CDK13: variants seen among roughly 807,000 people sequenced by gnomAD.
CDK13 encodes the protein cyclin dependent kinase 13.
CDK13 carries 40 observed loss-of-function variants against 137.6 expected under a neutral mutation model. The ratio of observed to expected loss-of-function variants is 0.29; its 90% CI spans 0.23 to 0.38. The LOEUF (loss-of-function observed/expected upper bound fraction) is 0.38. Among genes scored for constraint, CDK13 ranks in the 10% least tolerant of loss-of-function variants. The pLI is 1.00. For synonymous variants in CDK13, 869 were observed against 760.1 expected (o/e 1.14, Z -2.36); for missense variants, 1,704 against 1,951.8 (o/e 0.87, Z 2.39).
chr7:40,041,695 C>T (rs781459422), intron 5 of CDK13, among the ~76,000 whole-genome samples: 17 of 152,132 alleles, frequency 1.1e-4, no homozygotes, highest in South Asian at 2.1e-4. Context: ...GCAGAGATAG[C>T]GGTATGTGTA....
chr7:40,089,884 A>G (rs550577453), intron 12 of CDK13, among the ~76,000 whole-genome samples: 3 of 152,312 alleles, frequency 2.0e-5, no homozygotes, highest in Admixed American at 2.0e-4. Context: ...TTGAAGATAA[A>G]TATAGATTAA....
chr7:39,990,859 C>T (rs981317825), intron 2 of CDK13, among the ~76,000 whole-genome samples: 1 of 152,150 alleles, frequency 6.6e-6, no homozygotes, highest in Non-Finnish European at 1.5e-5. Context: ...TGTAATTAGT[C>T]ATAGTATAAA....
intron 12 of CDK13, chr7:40,092,463 A>AT (rs1786945817): frequency 3.6e-6 from 1 of 278,070 alleles, no homozygotes; most frequent in Admixed American, 4.9e-5. Flanking sequence ...AGCTGTCATC[A>AT]TTATCATTAT....
At chr7:40,025,879 A>G (rs1785232586) in intron 5 of CDK13, among the ~76,000 whole-genome samples, 1 of 152,226 alleles carries the variant, frequency 6.6e-6, no homozygotes, top group African/African-American at 2.4e-5. Flanking sequence ...TAGTTTTAAT[A>G]CCAGTTCTGC....
intron 1 of CDK13, among the ~76,000 whole-genome samples, chr7:39,983,370 C>T (rs1412360689): frequency 6.6e-6 from 1 of 152,160 alleles, no homozygotes; most frequent in African/African-American, 2.4e-5. Context: ...ATCCGCCCAC[C>T]TCAGCCTCCC....
chr7:39,961,297 T>G (rs577671336), intron 1 of CDK13, among the ~76,000 whole-genome samples: 1 of 152,188 alleles, frequency 6.6e-6, no homozygotes, highest in South Asian at 2.1e-4. Context: ...GAGGCAGAGG[T>G]TGCAGTGAGC....
intron 5 of CDK13, among the ~76,000 whole-genome samples, chr7:40,031,651 T>C (rs1257698): frequency 0.76 from 115,825 of 151,658 alleles, 47,467 homozygotes; most frequent in Non-Finnish European, 0.93. Flanking sequence ...GTTTTCTTTT[T>C]TCTTTTATTT....
At chr7:39,999,173 A>C in intron 3 of CDK13, 188 bp from the exon 4 acceptor site, 1 of 428,712 alleles carries the variant, frequency 2.3e-6, no homozygotes. Context: ...TAGAAATGAT[A>C]CCTCAGTTTT....
chr7:40,093,402 A>T (rs1277067916), intron 13 of CDK13, among the ~76,000 whole-genome samples, 165 bp downstream of exon 13: 2 of 152,232 alleles, frequency 1.3e-5, no homozygotes, highest in Non-Finnish European at 2.9e-5. Flanking sequence ...TACTTCCAGG[A>T]ATGGATTCTT....
chr7:39,979,216 C>CTTTT (rs71560152), intron 1 of CDK13, among the ~76,000 whole-genome samples: 3 of 130,884 alleles, frequency 2.3e-5, no homozygotes, highest in Non-Finnish European at 3.2e-5. Context: ...TCTTTTTTTT[C>CTTTT]TTTTTTTTTT....
At chr7:39,981,076 T>G (rs1279136643) in intron 1 of CDK13, among the ~76,000 whole-genome samples, 1 of 152,172 alleles carries the variant, frequency 6.6e-6, no homozygotes, top group Non-Finnish European at 1.5e-5. Flanking sequence ...TAGGAAAACA[T>G]TTTTAGAAAG....
At chr7:39,952,576 T>C (rs1343177448) in intron 1 of CDK13, 2 of 152,216 alleles carry the variant, frequency 1.3e-5, no homozygotes, top group Admixed American at 6.5e-5. Context: ...GACACCCAGT[T>C]GCTAATAACA....
intron 1 of CDK13, 129 bp downstream of exon 1, chr7:39,951,981 G>A: frequency 4.8e-6 from 5 of 1,038,692 alleles, no homozygotes; most frequent in Non-Finnish European, 6.2e-6. Flanking sequence ...CACCGCCTGA[G>A]CCTCCCAGGA....
At chr7:40,015,336 T>C (rs767884423) in intron 5 of CDK13, among the ~76,000 whole-genome samples, 1 of 152,178 alleles carries the variant, frequency 6.6e-6, no homozygotes, top group Non-Finnish European at 1.5e-5. Flanking sequence ...CATGTCACTA[T>C]TTCCTGAACA....
intron 1 of CDK13, among the ~76,000 whole-genome samples, chr7:39,959,441 G>A (rs1201207259): frequency 2.6e-5 from 4 of 151,476 alleles, no homozygotes; most frequent in Admixed American, 6.6e-5. Flanking sequence ...GATTACAGGC[G>A]TGAGCCACCG....
At chr7:40,089,974 A>T (rs1455654309) in intron 12 of CDK13, among the ~76,000 whole-genome samples, 1 of 152,202 alleles carries the variant, frequency 6.6e-6, no homozygotes, top group Non-Finnish European at 1.5e-5. Context: ...GTTCAACTGC[A>T]TACTTAAAGT....
intron 2 of CDK13, among the ~76,000 whole-genome samples, chr7:39,989,086 C>CAAAA (rs1213730855): frequency 0.066 from 3,086 of 46,438 alleles, 321 homozygotes; most frequent in Non-Finnish European, 0.09. Context: ...CGTGTCTCAC[C>CAAAA]AAAAAAAAAA....
chr7:40,046,122 G>T (rs1785733845), intron 6 of CDK13, 97 bp downstream of exon 6: 4 of 789,324 alleles, frequency 5.1e-6, no homozygotes, highest in Non-Finnish European at 8.0e-6. Flanking sequence ...GGGAATGTCG[G>T]GGGTGGTGAG....
Position 40,042,125 on chromosome 7 carries a change from T to G in CDK13, c.2354-3711T>G, listed in dbSNP as rs189376404. ...GTTGTAGTTGTTTGAGATCTTGGTC[T>G]GTCTCCCAGGCTGGCGCGATCTCGG... On this transcript the variant is annotated intron_variant, in intron 5 of 13. Coordinates refer to ENST00000181839, the MANE Select transcript of CDK13 (RefSeq NM_003718.5). 4.3e-4 allele frequency among the ~76,000 whole-genome samples: 65 copies of G among 152,262 alleles called. 1 individual carries two copies. Among genetic ancestry groups the G allele is most frequent in the African/African-American group, 1.5e-3 (61 of 41,554 alleles).
Sources: allele counts gnomAD v4.1 joint callset (sites outside exome capture counted in the v4.1 genomes callset), GRCh38; gene constraint gnomAD v4.1.1; transcripts MANE v1.5; gene names NCBI Gene and HGNC (gene_info 2026-07-23, HGNC 2026-07-21).